Variants in CADM2 observed in about 807,000 individuals in gnomAD.
CADM2 encodes the protein immunoglobulin superfamily member 4D.
A neutral mutation model predicts 49.8 loss-of-function variants in CADM2; 12 were observed. The ratio of observed to expected loss-of-function variants is 0.24; its 90% CI spans 0.15 to 0.39. The LOEUF (loss-of-function observed/expected upper bound fraction) is 0.39, where lower values mean the gene tolerates loss of function less well. CADM2 is among the 10% of genes least tolerant of loss of function. The pLI, the probability that CADM2 is intolerant of heterozygous loss-of-function variation, is 1.00. For synonymous variants in CADM2, 214 were observed against 175.4 expected (o/e 1.22, Z -1.74); for missense variants, 378 against 492.3 (o/e 0.77, Z 2.20).
chr3:85,282,329 T>C (rs1301603200), intron 1 of CADM2, among the ~76,000 whole-genome samples: 1 of 142,762 alleles, frequency 7.0e-6, no homozygotes. Context: ...TAGTGTGAAC[T>C]CGGCTCATGG....
chr3:85,762,617 C>CTGTCTGTCTG (rs1553682298), intron 2 of CADM2, among the ~76,000 whole-genome samples: 1 of 151,482 alleles, frequency 6.6e-6, no homozygotes, highest in African/African-American at 2.4e-5. Flanking sequence ...CTCTCTCTCT[C>CTGTCTGTCTG]TCTCTGTCTC....
At chr3:85,358,979 C>T (rs865832675) in intron 1 of CADM2, among the ~76,000 whole-genome samples, 11 of 152,120 alleles carry the variant, frequency 7.2e-5, no homozygotes, top group Admixed American at 7.2e-4. Flanking sequence ...TATAATGTGA[C>T]AATAGTTTTG....
intron 1 of CADM2, among the ~76,000 whole-genome samples, chr3:85,376,135 A>C (rs1215921828): frequency 6.6e-6 from 1 of 152,120 alleles, no homozygotes; most frequent in Non-Finnish European, 1.5e-5. Flanking sequence ...TAGATCCTCT[A>C]AAGTAAATTG....
At chr3:85,370,824 T>C (rs912688512) in intron 1 of CADM2, among the ~76,000 whole-genome samples, 2 of 152,152 alleles carry the variant, frequency 1.3e-5, no homozygotes, top group African/African-American at 4.8e-5. Context: ...CTGAAGACTT[T>C]CCACTGGGAC....
chr3:85,454,406 A>C (rs564477601), intron 1 of CADM2, among the ~76,000 whole-genome samples: 1 of 152,116 alleles, frequency 6.6e-6, no homozygotes, highest in Admixed American at 6.6e-5. Flanking sequence ...CCAAGCAAGC[A>C]GACCACAAAC....
chr3:85,505,846 G>A (rs376393025), intron 1 of CADM2, among the ~76,000 whole-genome samples: 5 of 152,246 alleles, frequency 3.3e-5, no homozygotes, highest in African/African-American at 1.2e-4. Context: ...TAGTCAAACA[G>A]CAATGAAACA....
At chr3:85,988,550 T>C (rs553243857) in intron 8 of CADM2, among the ~76,000 whole-genome samples, 5 of 152,106 alleles carry the variant, frequency 3.3e-5, no homozygotes, top group Admixed American at 3.3e-4. Context: ...GTTTAAACTA[T>C]TGGAAAAAAC....
chr3:85,166,376 A>G (rs916666694), intron 1 of CADM2, among the ~76,000 whole-genome samples: 1 of 151,856 alleles, frequency 6.6e-6, no homozygotes, highest in Non-Finnish European at 1.5e-5. Flanking sequence ...TTTTATAATG[A>G]GATTTTAGAA....
intron 1 of CADM2, among the ~76,000 whole-genome samples, chr3:85,355,026 T>C (rs1163501940): frequency 6.6e-6 from 1 of 152,052 alleles, no homozygotes; most frequent in African/African-American, 2.4e-5. Flanking sequence ...GGGTCGACGC[T>C]CAAACTTCAG....
At chr3:85,909,419 T>TATATATATAA (rs1392838709) in intron 5 of CADM2, among the ~76,000 whole-genome samples, 1 of 150,480 alleles carries the variant, frequency 6.6e-6, no homozygotes, top group Non-Finnish European at 1.5e-5. Flanking sequence ...TATATATATA[T>TATATATATAA]AATGTCCAAT....
chr3:85,679,193 A>G (rs1398223199), intron 1 of CADM2, among the ~76,000 whole-genome samples: 1 of 152,304 alleles, frequency 6.6e-6, no homozygotes, highest in Non-Finnish European at 1.5e-5. Context: ...GGATCAATTT[A>G]GACTCTGATA....
At chr3:85,373,550 G>A (rs1187776164) in intron 1 of CADM2, among the ~76,000 whole-genome samples, 2 of 152,110 alleles carry the variant, frequency 1.3e-5, no homozygotes, top group African/African-American at 2.4e-5. Flanking sequence ...GCTCCACTAG[G>A]CAGTGACTCA....
At chr3:85,463,382 G>C (rs551522627) in intron 1 of CADM2, among the ~76,000 whole-genome samples, 1 of 152,184 alleles carries the variant, frequency 6.6e-6, no homozygotes, top group East Asian at 1.9e-4. Flanking sequence ...GGCTTGGGCA[G>C]GTTTGATTGT....
At chr3:85,879,829 T>C (rs1001967710) in intron 3 of CADM2, among the ~76,000 whole-genome samples, 8 of 152,272 alleles carry the variant, frequency 5.3e-5, no homozygotes, top group African/African-American at 1.7e-4. Flanking sequence ...CAGTTTTACA[T>C]GTATTTATTT....
chr3:85,197,911 C>T (rs2041384302), intron 1 of CADM2, among the ~76,000 whole-genome samples: 1 of 151,824 alleles, frequency 6.6e-6, no homozygotes, highest in African/African-American at 2.4e-5. Context: ...ATTCATCATT[C>T]ATATGAAGTC....
intron 3 of CADM2, chr3:85,828,000 C>A (rs1456989654): frequency 6.6e-6 from 1 of 151,890 alleles, no homozygotes; most frequent in African/African-American, 2.4e-5. Flanking sequence ...ACATTGGTTA[C>A]CTCAATGCCC....
At chr3:85,610,592 A>G (rs182256048) in intron 1 of CADM2, among the ~76,000 whole-genome samples, 3 of 152,086 alleles carry the variant, frequency 2.0e-5, no homozygotes, top group Non-Finnish European at 2.9e-5. Flanking sequence ...CTAAGGTATA[A>G]TAATATTACA....
intron 6 of CADM2, among the ~76,000 whole-genome samples, chr3:85,927,838 T>A (rs1228566233): frequency 1.4e-5 from 1 of 74,064 alleles, no homozygotes; most frequent in Non-Finnish European, 3.9e-5. Flanking sequence ...TTGTTTTTTA[T>A]TTTATTTTTT....
At chr3:86,004,618 G>A (rs892377313) in intron 8 of CADM2, among the ~76,000 whole-genome samples, 1 of 152,126 alleles carries the variant, frequency 6.6e-6, no homozygotes, top group African/African-American at 2.4e-5. Context: ...CTATTCATAG[G>A]TTGGATCTAG....
Sources: allele counts gnomAD v4.1 joint callset (sites outside exome capture counted in the v4.1 genomes callset), GRCh38; gene constraint gnomAD v4.1.1; transcripts MANE v1.5; gene names NCBI Gene and HGNC (gene_info 2026-07-23, HGNC 2026-07-21).